Variants in IREB2 observed in about 807,000 individuals in gnomAD.
The protein encoded by IREB2 is iron responsive element binding protein 2.
In IREB2, 39 loss-of-function variants were observed where a neutral mutation model predicts 118.8. The observed-to-expected ratio is 0.33, with a 90% CI of 0.25 to 0.43. IREB2 has a LOEUF of 0.43. Ranked by LOEUF, IREB2 falls within the 20% of genes least tolerant of loss-of-function variation. IREB2 has a pLI of 1.00. For missense variants in IREB2, 900 were observed against 1,147.3 expected, an observed-to-expected ratio of 0.78 and a Z score of 3.11; for synonymous variants, 372 against 392.2, an observed-to-expected ratio of 0.95 and a Z score of 0.61.
At chr15:78,488,058 T>A (rs2141518872) in intron 14 of IREB2, 122 bp from the exon 15 acceptor site, 1 of 866,352 alleles carries the variant, frequency 1.2e-6, no homozygotes, top group East Asian at 2.7e-5. Context: ...TATTTAAAAA[T>A]TAGTAATATG....
At chr15:78,497,465 A>G (rs764663482) in intron 21 of IREB2, 154 bp downstream of exon 21, 1 of 624,374 alleles carries the variant, frequency 1.6e-6, no homozygotes, top group African/African-American at 1.8e-5. Context: ...AGATCTAGCT[A>G]TGTTAATAGT....
chr15:78,464,773 GTC>G (rs2051253358), intron 3 of IREB2, among the ~76,000 whole-genome samples: 3 of 152,138 alleles, frequency 2.0e-5, no homozygotes, highest in African/African-American at 7.2e-5. Context: ...CCAGAACTAT[GTC>G]TTATTTGGCC....
intron 1 of IREB2, among the ~76,000 whole-genome samples, chr15:78,439,577 A>G (rs1360438373): frequency 6.6e-6 from 1 of 152,236 alleles, no homozygotes; most frequent in Non-Finnish European, 1.5e-5. Flanking sequence ...AATTAATCAA[A>G]ATTAAATAAA....
At chr15:78,458,620 A>G (rs1024911869) in intron 2 of IREB2, among the ~76,000 whole-genome samples, 1 of 151,852 alleles carries the variant, frequency 6.6e-6, no homozygotes, top group African/African-American at 2.4e-5. Flanking sequence ...CACCCCATCT[A>G]AGGGTGTTAT....
chr15:78,484,591 G>A (rs532592002), intron 11 of IREB2, among the ~76,000 whole-genome samples, 170 bp from the exon 12 acceptor site: 4 of 152,304 alleles, frequency 2.6e-5, no homozygotes, highest in South Asian at 4.1e-4. Context: ...GCAGATTTAT[G>A]CTTCAGCTGA....
At chr15:78,490,784 T>G in intron 18 of IREB2, 23 bp downstream of exon 18, 3 of 1,599,730 alleles carry the variant, frequency 1.9e-6, no homozygotes, top group Non-Finnish European at 2.6e-6. Flanking sequence ...GGCTTTAGAG[T>G]GTTTTTGTTT....
intron 2 of IREB2, among the ~76,000 whole-genome samples, chr15:78,446,409 G>A (rs1300143558): frequency 6.6e-6 from 1 of 152,156 alleles, no homozygotes; most frequent in Non-Finnish European, 1.5e-5. Context: ...ACTAGCTCGA[G>A]TGAAGAAGGA....
chr15:78,455,653 T>C (rs2141464622), intron 2 of IREB2, among the ~76,000 whole-genome samples: 1 of 152,332 alleles, frequency 6.6e-6, no homozygotes, highest in Non-Finnish European at 1.5e-5. Context: ...TTGTAACTCT[T>C]CTACTGGAAT....
chr15:78,492,941 C>G (rs1362549091), intron 18 of IREB2, among the ~76,000 whole-genome samples: 1 of 152,050 alleles, frequency 6.6e-6, no homozygotes, highest in Non-Finnish European at 1.5e-5. Flanking sequence ...TTTACGGTCT[C>G]TAATAAGCAA....
chr15:78,455,843 C>T (rs1001280939), intron 2 of IREB2, among the ~76,000 whole-genome samples: 1 of 152,188 alleles, frequency 6.6e-6, no homozygotes, highest in Non-Finnish European at 1.5e-5. Flanking sequence ...AGATTTATGA[C>T]AGTCACAGTT....
rs945702057 is a variant in IREB2, at chr15:78,499,072, A to G, written c.*929A>G. ...TTTCTTCTATACATTTAAATTATCC[A>G]CCCTCAATAATACGGGTGCTCAACC... On this transcript the variant is annotated 3_prime_UTR_variant, in exon 22 of 22. Coordinates refer to ENST00000258886, the MANE Select transcript of IREB2 (RefSeq NM_004136.4). 2.6e-5 allele frequency: 4 copies of G among 152,084 alleles called. No individual in the cohort carries two copies. The highest frequency in any genetic ancestry group is 2.1e-4 in the South Asian group (1 of 4,824). The allele number at this position is 152,084 out of a possible 1,614,324, so 9.4% of individuals were successfully genotyped here.
At chr15:78,439,502 C>G (rs1413627534) in intron 1 of IREB2, among the ~76,000 whole-genome samples, 1 of 152,124 alleles carries the variant, frequency 6.6e-6, no homozygotes, top group Non-Finnish European at 1.5e-5. Context: ...CTAGTTTTTA[C>G]TTGACAAATT....
intron 20 of IREB2, among the ~76,000 whole-genome samples, chr15:78,496,207 G>C (rs1396326644): frequency 6.6e-6 from 1 of 152,154 alleles, no homozygotes; most frequent in Non-Finnish European, 1.5e-5. Context: ...AATATTCATA[G>C]AATTCTCTCA....
chr15:78,440,092 A>G (rs950116109), intron 2 of IREB2, among the ~76,000 whole-genome samples: 1 of 152,208 alleles, frequency 6.6e-6, no homozygotes, highest in African/African-American at 2.4e-5. Context: ...TTAAAAATCT[A>G]AGTTAATTAA....
chr15:78,462,911 T>G lies in IREB2; in HGVS notation c.107-11T>G. On this transcript the variant is annotated splice_polypyrimidine_tract_variant and intron_variant, in intron 2 of 21. Transcript: ENST00000258886. ...TGTTTGCTTATTAATAGTAATATTT[T>G]CTTGAATCAGATGTTCTGCCTTACT... 1 of 1,567,288 alleles carries G rather than the reference T, an allele frequency of 6.4e-7. No homozygotes were observed. Among genetic ancestry groups the G allele is most frequent in the Non-Finnish European group, 8.6e-7 (1 of 1,160,992 alleles).
At chr15:78,487,272 T>A in intron 13 of IREB2, among the ~76,000 whole-genome samples, 1 of 152,184 alleles carries the variant, frequency 6.6e-6, no homozygotes, top group East Asian at 1.9e-4. Flanking sequence ...TGGATGGAAG[T>A]ACAGTATCAA....
At chr15:78,473,825 A>G (rs963874080) in intron 8 of IREB2, 1 of 152,156 alleles carries the variant, frequency 6.6e-6, no homozygotes, top group African/African-American at 2.4e-5. Context: ...TGACTACATT[A>G]TTTTTTTTCT....
In IREB2 at chr15:78,498,295, G is replaced by A. The variant is rs1056780587; in HGVS notation, c.*152G>A. On this transcript the variant is annotated 3_prime_UTR_variant, in exon 22 of 22. Transcript: ENST00000258886. ...ATGATGATGAATCAACATAGTAACT[G>A]AAATGAAATCTTCTTGATTTTAAAT... is the stretch of plus-strand genomic sequence containing the variant. 3.3e-5 allele frequency: 16 copies of A among 491,258 alleles called. No individual in the cohort carries two copies. The highest frequency in any genetic ancestry group is 2.8e-4 in the African/African-American group (14 of 50,098). 30.4% of individuals were successfully genotyped at this position (491,258 alleles called of 1,614,324 possible).
chr15:78,492,963 A>G (rs190078276), intron 18 of IREB2, among the ~76,000 whole-genome samples: 3 of 152,300 alleles, frequency 2.0e-5, no homozygotes, highest in Admixed American at 6.5e-5. Flanking sequence ...CTAGACCACA[A>G]TGAGCAATCA....
Sources: gnomAD v4.1 joint callset for allele counts (sites outside exome capture counted in the v4.1 genomes callset) on GRCh38, gnomAD v4.1.1 for gene constraint, MANE v1.5 for transcripts, NCBI Gene and HGNC (gene_info 2026-07-23, HGNC 2026-07-21) for gene names.